CDH2: variants seen among roughly 807,000 people sequenced by gnomAD.
CDH2 encodes cadherin 2.
In CDH2, 17 loss-of-function variants were observed where a neutral mutation model predicts 92.0. That is an observed-to-expected ratio of 0.18 (90% confidence interval 0.13 to 0.28). The LOEUF is 0.28. Ranked by LOEUF, CDH2 falls within the 10% of genes least tolerant of loss-of-function variation. CDH2 has a pLI of 1.00. For missense variants in CDH2, 862 were observed against 1,133.1 expected, an observed-to-expected ratio of 0.76 and a Z score of 3.44; for synonymous variants, 419 against 415.9, an observed-to-expected ratio of 1.01 and a Z score of -0.09.
At chr18:28,085,691 G>A (rs1220015) in intron 2 of CDH2, among the ~76,000 whole-genome samples, 2 of 151,846 alleles carry the variant, frequency 1.3e-5, no homozygotes, top group African/African-American at 4.8e-5. Context: ...GTCACACATC[G>A]GATGGAAATC....
chr18:27,984,913 C>T, intron 13 of CDH2, 87 bp downstream of exon 13: 1 of 1,006,498 alleles, frequency 9.9e-7, no homozygotes, highest in Non-Finnish European at 1.5e-6. Flanking sequence ...TGTTAGACTA[C>T]TTTGCCAGGC....
At chr18:28,033,972 T>C (rs188504705) in intron 2 of CDH2, among the ~76,000 whole-genome samples, 21 of 152,274 alleles carry the variant, frequency 1.4e-4, no homozygotes, top group Admixed American at 7.2e-4. Flanking sequence ...TATCATTTTA[T>C]ACTCAATTGA....
At chr18:28,170,050 A>G (rs2016442085) in intron 1 of CDH2, among the ~76,000 whole-genome samples, 1 of 152,214 alleles carries the variant, frequency 6.6e-6, no homozygotes. Context: ...TCTCTCAGGC[A>G]CTGAGAACTC....
At chr18:28,122,744 T>C (rs866236548) in intron 2 of CDH2, among the ~76,000 whole-genome samples, 26 of 152,284 alleles carry the variant, frequency 1.7e-4, no homozygotes, top group Admixed American at 7.9e-4. Context: ...CACAACTCTT[T>C]TAGCAGACTA....
intron 2 of CDH2, among the ~76,000 whole-genome samples, chr18:28,086,304 A>G (rs2014926240): frequency 6.6e-6 from 1 of 152,098 alleles, no homozygotes; most frequent in East Asian, 1.9e-4. Flanking sequence ...TTAGAACTCT[A>G]TAGTTATTCA....
intron 2 of CDH2, among the ~76,000 whole-genome samples, chr18:28,129,559 G>A (rs2015731949): frequency 6.6e-6 from 1 of 152,210 alleles, no homozygotes; most frequent in Non-Finnish European, 1.5e-5. Context: ...GGGTCTGTGT[G>A]GCTCACACTG....
Position 27,952,228 on chromosome 18 carries a change from C to T in CDH2, c.2646G>A (p.Gln882=). The T allele has an allele frequency of 6.2e-7, 1 of 1,613,672 alleles. No homozygotes were observed. The highest frequency in any genetic ancestry group is 8.5e-7 in the Non-Finnish European group (1 of 1,179,702). ...SLNSSSSGGE[Q]DYDYLNDWGP... ...CCCAGTCGTTCAGGTAATCATAGTC[C>T]TGCTCACCACCACTACTTGAGGAAT... Residue 882 remains glutamine (Q), a synonymous_variant, in exon 16 of 16, where the codon CAG becomes CAA. Transcript: ENST00000269141.
At chr18:28,119,626 A>G (rs551292009) in intron 2 of CDH2, among the ~76,000 whole-genome samples, 33 of 152,254 alleles carry the variant, frequency 2.2e-4, no homozygotes, top group African/African-American at 7.5e-4. Flanking sequence ...TATGTCTGCT[A>G]TTTATATATA....
At chr18:28,063,818 G>C (rs2014452623) in intron 2 of CDH2, among the ~76,000 whole-genome samples, 1 of 152,124 alleles carries the variant, frequency 6.6e-6, no homozygotes, top group Admixed American at 6.5e-5. Context: ...CCTCTTTCAT[G>C]CTTCAGAAAG....
chr18:28,048,046 G>A (rs1170818164), intron 2 of CDH2, among the ~76,000 whole-genome samples: 2 of 151,136 alleles, frequency 1.3e-5, no homozygotes, highest in African/African-American at 2.4e-5. Context: ...GAAATTATGG[G>A]CAGAGATCTT....
intron 2 of CDH2, among the ~76,000 whole-genome samples, chr18:28,014,815 T>C (rs1480148985): frequency 6.6e-6 from 1 of 152,004 alleles, no homozygotes; most frequent in African/African-American, 2.4e-5. Flanking sequence ...CATGAACTTG[T>C]GTAGAACTAG....
intron 14 of CDH2, among the ~76,000 whole-genome samples, chr18:27,968,297 C>CA (rs2011578512): frequency 6.6e-6 from 1 of 152,168 alleles, no homozygotes. Flanking sequence ...AAAGATAACA[C>CA]AGAGCCCACC....
chr18:28,093,459 G>T (rs905425861), intron 2 of CDH2, among the ~76,000 whole-genome samples: 1 of 151,770 alleles, frequency 6.6e-6, no homozygotes, highest in Non-Finnish European at 1.5e-5. Context: ...ATTTTCAAAG[G>T]TTTCTTTCTA....
At chr18:28,079,918 T>C (rs1055187165) in intron 2 of CDH2, among the ~76,000 whole-genome samples, 1 of 152,178 alleles carries the variant, frequency 6.6e-6, no homozygotes, top group African/African-American at 2.4e-5. Flanking sequence ...CAGCAAAATA[T>C]AATTTTAGCA....
At chr18:27,989,476 A>C (rs2012339888) in intron 10 of CDH2, among the ~76,000 whole-genome samples, 1 of 152,226 alleles carries the variant, frequency 6.6e-6, no homozygotes, top group South Asian at 2.1e-4. Flanking sequence ...ATCTTTTAGC[A>C]GCAGTTCTGT....
chr18:28,097,088 T>C (rs1401335224), intron 2 of CDH2: 2 of 152,194 alleles, frequency 1.3e-5, no homozygotes, highest in Non-Finnish European at 2.9e-5. Flanking sequence ...ACACTCTGCT[T>C]AGAGTCCCCC....
chr18:28,054,149 T>G lies in CDH2; in HGVS notation c.173-40240A>C, dbSNP rs191627789. On this transcript the variant is annotated intron_variant, in intron 2 of 15. Transcript: ENST00000269141. ...TTAAAAGTGGACTGGCTTCCATAGGTAGGTAAGGTTACTAGAATACAAGGA... is the reference window on the plus strand; with the variant it reads ...TTAAAAGTGGACTGGCTTCCATAGGGAGGTAAGGTTACTAGAATACAAGGA... 1.5e-3 allele frequency among the ~76,000 whole-genome samples: 232 copies of G among 152,176 alleles called. 6 individuals carry two copies. Among genetic ancestry groups the G allele is most frequent in the African/African-American group, 5.4e-3 (225 of 41,526 alleles).
chr18:28,102,829 G>A (rs2015248755), intron 2 of CDH2, among the ~76,000 whole-genome samples: 1 of 151,544 alleles, frequency 6.6e-6, no homozygotes. Flanking sequence ...AAAATATAAA[G>A]CATAAAAATA....
At chr18:28,008,304 C>T (rs1385990479) in intron 5 of CDH2, among the ~76,000 whole-genome samples, 1 of 152,110 alleles carries the variant, frequency 6.6e-6, no homozygotes, top group Non-Finnish European at 1.5e-5. Context: ...GGAAGTTTTA[C>T]TTCTTTTCCT....
Sources: gnomAD v4.1 joint callset for allele counts (sites outside exome capture counted in the v4.1 genomes callset) on GRCh38, gnomAD v4.1.1 for gene constraint, MANE v1.5 for transcripts, NCBI Gene and HGNC (gene_info 2026-07-23, HGNC 2026-07-21) for gene names.